ZNF367: variants seen among roughly 807,000 people sequenced by gnomAD.
ZNF367 encodes C2H2 zinc finger protein ZFF29.
A neutral mutation model predicts 31.8 loss-of-function variants in ZNF367; 11 were observed. The ratio of observed to expected loss-of-function variants is 0.35; its 90% CI spans 0.22 to 0.57. The LOEUF (loss-of-function observed/expected upper bound fraction) is 0.57. Ranked by LOEUF, ZNF367 falls within the 20% of genes least tolerant of loss-of-function variation. The pLI, the probability that ZNF367 is intolerant of heterozygous loss-of-function variation, is 0.85. For synonymous variants in ZNF367, 199 were observed against 202.4 expected, an observed-to-expected ratio of 0.98 and a Z score of 0.14; for missense variants, 353 against 484.1, an observed-to-expected ratio of 0.73 and a Z score of 2.54.
chr9:96,415,481 T>C (rs1363847911), intron 1 of ZNF367, among the ~76,000 whole-genome samples: 4 of 23,618 alleles, frequency 1.7e-4, no homozygotes, highest in African/African-American at 5.3e-4. Context: ...GTTTCTTCAT[T>C]TTTTTTTTTT....
intron 1 of ZNF367, among the ~76,000 whole-genome samples, chr9:96,404,352 TGA>T (rs1831644303): frequency 6.6e-6 from 1 of 152,044 alleles, no homozygotes; most frequent in Admixed American, 6.6e-5. Context: ...CCCAGCACTT[TGA>T]GAGGCTGAGG....
chr9:96,389,805 C>G (rs1831448565), intron 4 of ZNF367, among the ~76,000 whole-genome samples: 1 of 151,924 alleles, frequency 6.6e-6, no homozygotes, highest in Non-Finnish European at 1.5e-5. Context: ...TCTTGGCTCA[C>G]TGCAACCTTC....
At chr9:96,412,828 C>T (rs530353181) in intron 1 of ZNF367, among the ~76,000 whole-genome samples, 2 of 151,458 alleles carry the variant, frequency 1.3e-5, no homozygotes, top group Admixed American at 6.6e-5. Flanking sequence ...CCCGAGTAGC[C>T]GGGACTATAG....
intron 2 of ZNF367, among the ~76,000 whole-genome samples, chr9:96,395,493 C>A (rs1391559794): frequency 6.6e-6 from 1 of 152,158 alleles, no homozygotes; most frequent in East Asian, 1.9e-4. Flanking sequence ...GCACTCTAGG[C>A]AATCTCACCA....
At position 96,391,557 on chromosome 9, in the gene ZNF367, A is replaced by G. The variant is rs186270807; in HGVS notation, c.830+841T>C. On this transcript the variant is annotated intron_variant, in intron 4 of 4. Transcript: ENST00000375256. Reference sequence around the variant, plus strand: ...CAGGGCTATGGCAGCACAGCTAGGAATCCTGGACTTTACCCTAAGCAGCCA... The same window carrying G: ...CAGGGCTATGGCAGCACAGCTAGGAGTCCTGGACTTTACCCTAAGCAGCCA... 3.4e-3 allele frequency among the ~76,000 whole-genome samples: 516 copies of G among 152,236 alleles called. 2 individuals carry two copies. The highest frequency in any genetic ancestry group is 0.011 in the African/African-American group (462 of 41,538).
rs1051136157 is a variant in ZNF367, at chr9:96,413,990, A to G, written c.420+3623T>C. 2.6e-5 allele frequency among the ~76,000 whole-genome samples: 4 copies of G among 152,236 alleles called. No individual in the cohort carries two copies. In the East Asian group the frequency reaches 5.8e-4, roughly 22 times the overall value. On this transcript the variant is annotated intron_variant, in intron 1 of 4. Transcript: ENST00000375256. ...GCAGACTTGTCTCCTCTCTTCCCCA[A>G]AAATGAGCAGACTCAGCACAATTCC...
intron 1 of ZNF367, among the ~76,000 whole-genome samples, chr9:96,403,527 T>C (rs1389023964): frequency 2.6e-5 from 4 of 152,048 alleles, no homozygotes; most frequent in African/African-American, 9.7e-5. Context: ...CAAGTTCATA[T>C]GGAATTATAG....
At chr9:96,388,871 CTA>C (rs1564138754) in intron 4 of ZNF367, among the ~76,000 whole-genome samples, 1 of 152,198 alleles carries the variant, frequency 6.6e-6, no homozygotes, top group East Asian at 1.9e-4. Context: ...AACCCACAAA[CTA>C]TGAAAAAGTG....
chr9:96,414,926 A>G (rs1010342943), intron 1 of ZNF367, among the ~76,000 whole-genome samples: 1 of 152,200 alleles, frequency 6.6e-6, no homozygotes, highest in Non-Finnish European at 1.5e-5. Context: ...TAAAGGCAAA[A>G]TCTTACACAA....
In ZNF367 at chr9:96,397,996, A is replaced by C. The variant is rs1013875557; in HGVS notation, c.571+168T>G. Among the ~76,000 whole-genome samples, 7 of 148,060 alleles carry C rather than the reference A, an allele frequency of 4.7e-5. No homozygotes were observed. The East Asian group carries it at 1.4e-3, about 30-fold the overall frequency. On this transcript the variant is annotated intron_variant, in intron 2 of 4. Coordinates refer to ENST00000375256, the MANE Select transcript of ZNF367 (RefSeq NM_153695.4). ...TCCCAGCTACTCAGGAGGCTGAGGC[A>C]AGAGAATTGCTTGAACCCAGGAGGC... is the stretch of plus-strand genomic sequence containing the variant.
At chr9:96,412,803 C>T (rs1262934751) in intron 1 of ZNF367, among the ~76,000 whole-genome samples, 1 of 148,468 alleles carries the variant, frequency 6.7e-6, no homozygotes, top group African/African-American at 2.5e-5. Flanking sequence ...TCATGTGATT[C>T]TCATGCCTCA....
chr9:96,402,041 A>T (rs1393519048), intron 1 of ZNF367, among the ~76,000 whole-genome samples: 1 of 151,672 alleles, frequency 6.6e-6, no homozygotes, highest in Non-Finnish European at 1.5e-5. Context: ...GCAGGTCATG[A>T]GGTCAAGAGA....
In ZNF367 at chr9:96,392,714, C is replaced by T. The variant is rs988256800; in HGVS notation, c.692-178G>A. Among the ~76,000 whole-genome samples the T allele has an allele frequency of 1.2e-4, 19 of 152,202 alleles. 1 individual carries two copies. The highest frequency in any genetic ancestry group is 1.3e-4 in the Non-Finnish European group (9 of 68,038). ...AGTCTCATCAGTGCTAGAGCGGGGA[C>T]AGGAAGACAGTCACATTTTGGTCGT... On this transcript the variant is annotated intron_variant, in intron 3 of 4. Coordinates refer to ENST00000375256, the MANE Select transcript of ZNF367 (RefSeq NM_153695.4).
rs1831410272 is a variant in ZNF367 at position 96,386,484 on chromosome 9, A to G, written c.*1753T>C. 1 of 152,172 alleles carries G rather than the reference A, an allele frequency of 6.6e-6. No individual in the cohort carries two copies. The highest frequency in any genetic ancestry group is 1.5e-5 in the Non-Finnish European group (1 of 68,012). 9.4% of individuals were successfully genotyped at this position (152,172 alleles called of 1,614,324 possible). On this transcript the variant is annotated 3_prime_UTR_variant, in exon 5 of 5. Coordinates refer to ENST00000375256, the MANE Select transcript of ZNF367 (RefSeq NM_153695.4). ...AGGAAATGCTGAAACATAAACCAAGATAATTCAGATGCTATAGTCTCTCTT... is the reference window on the plus strand; with the variant it reads ...AGGAAATGCTGAAACATAAACCAAGGTAATTCAGATGCTATAGTCTCTCTT...
At position 96,417,392 on chromosome 9, in the gene ZNF367, C is replaced by T. The variant is rs1831845279; in HGVS notation, c.420+221G>A. Among the ~76,000 whole-genome samples, 1 of 151,838 alleles carries T rather than the reference C, an allele frequency of 6.6e-6. No individual in the cohort carries two copies. The highest frequency in any genetic ancestry group is 1.5e-5 in the Non-Finnish European group (1 of 67,948). ...GCCGCGCTCCCGCCCACTGCACCTG[C>T]CGCAAGGACGGTCTCCCGCGCCGCT... On this transcript the variant is annotated intron_variant, in intron 1 of 4. Transcript: ENST00000375256. The surrounding 1 kb of genome is among the most constrained non-coding windows in gnomAD (Gnocchi z 5.0).
chr9:96,407,540 C>A, intron 1 of ZNF367: 1 of 1,286,038 alleles, frequency 7.8e-7, no homozygotes, highest in Non-Finnish European at 1.1e-6. Flanking sequence ...CCACAGGGAG[C>A]AGTACCTGCC....
intron 1 of ZNF367, among the ~76,000 whole-genome samples, chr9:96,404,277 G>A (rs981298185): frequency 3.3e-5 from 5 of 151,772 alleles, no homozygotes; most frequent in African/African-American, 1.2e-4. Flanking sequence ...TGGCTAACAC[G>A]ATGAAACCCC....
At chr9:96,412,138 C>T (rs537524711) in intron 1 of ZNF367, among the ~76,000 whole-genome samples, 1 of 152,238 alleles carries the variant, frequency 6.6e-6, no homozygotes, top group South Asian at 2.1e-4. Context: ...TCCTTTTGGC[C>T]TTAACAATGA....
intron 1 of ZNF367, among the ~76,000 whole-genome samples, chr9:96,411,471 G>A (rs1254782672): frequency 6.6e-6 from 1 of 152,012 alleles, no homozygotes; most frequent in African/African-American, 2.4e-5. Flanking sequence ...GCTGAGGTGG[G>A]AGGATCACTT....
Sources: gnomAD v4.1 joint callset for allele counts (sites outside exome capture counted in the v4.1 genomes callset) on GRCh38, gnomAD v4.1.1 for gene constraint, Gnocchi (gnomAD v3.1) non-coding constraint, MANE v1.5 for transcripts, NCBI Gene and HGNC (gene_info 2026-07-23, HGNC 2026-07-21) for gene names.